Variants in AK3 observed in about 807,000 individuals in gnomAD.
AK3 encodes adenylate kinase 3.
AK3 carries 27 observed loss-of-function variants against 23.7 expected under a neutral mutation model. That is an observed-to-expected ratio of 1.14 (90% CI 0.84 to 1.57). The LOEUF (loss-of-function observed/expected upper bound fraction) is 1.57, where lower values mean the gene tolerates loss of function less well. Among genes scored for constraint, AK3 ranks in the 40% most tolerant of loss-of-function variants. The pLI, the probability that AK3 is intolerant of heterozygous loss-of-function variation, is 0.00. For missense variants in AK3, 406 were observed against 285.6 expected, an observed-to-expected ratio of 1.42 and a Z score of -3.04; for synonymous variants, 159 against 116.0, an observed-to-expected ratio of 1.37 and a Z score of -2.38.
Position 4,740,965 on chromosome 9 carries a change from C to G in AK3, c.123G>C (p.Leu41=). ...TGCCCCGCAGCATGTTGTCCCGGAG[C>G]AGGTCCCCGCTGGAGAGGTGCTTCA... ...FELKHLSSGD[L]LRDNMLRGTE... is the part of the protein sequence containing the mutation. The change falls in exon 1 of 5, where the codon CTG becomes CTC. Residue 41 remains leucine, a synonymous_variant. Transcript: ENST00000381809. 2.5e-6 allele frequency: 4 copies of G among 1,583,342 alleles called. No individual in the cohort carries two copies. The highest frequency in any genetic ancestry group is 3.4e-6 in the Non-Finnish European group (4 of 1,167,204).
At position 4,710,848 on chromosome 9, in the gene AK3, T is replaced by C. The variant is rs1841543265; in HGVS notation, c.*2128A>G. ...TTGCGTGAGCCCAGGAGTTCAACGT[T>C]ACAGTGACCCAATTATGCCACTGCA... On this transcript the variant is annotated 3_prime_UTR_variant, in exon 5 of 5. Coordinates refer to ENST00000381809, the MANE Select transcript of AK3 (RefSeq NM_016282.4). 6.6e-6 allele frequency: 1 copy of C among 152,048 alleles called. No individual in the cohort carries two copies. The highest frequency in any genetic ancestry group is 1.5e-5 in the Non-Finnish European group (1 of 68,020). 9.4% of individuals were successfully genotyped at this position (152,048 alleles called of 1,614,324 possible).
intron 1 of AK3, 66 bp downstream of exon 1, chr9:4,740,871 G>GT: frequency 7.1e-7 from 1 of 1,403,236 alleles, no homozygotes; most frequent in Non-Finnish European, 9.3e-7. Flanking sequence ...CCCAGCTTCG[G>GT]CCCCTCGCCC....
At chr9:4,713,941 CAT>C (rs376514706) in intron 4 of AK3, among the ~76,000 whole-genome samples, 31 of 1,348 alleles carry the variant, frequency 0.023, 3 homozygotes, top group African/African-American at 0.03. Context: ...CACACCTCCA[CAT>C]ATACACGCCT....
At chr9:4,741,859 C>G (rs745699544), upstream of AK3, 5 of 152,584 alleles carry the variant, frequency 3.3e-5, no homozygotes, top group Non-Finnish European at 7.3e-5. Flanking sequence ...TGCACCCACT[C>G]CCGCCTTCGC....
At chr9:4,733,755 C>T (rs923112585) in intron 1 of AK3, among the ~76,000 whole-genome samples, 2 of 152,190 alleles carry the variant, frequency 1.3e-5, no homozygotes, top group African/African-American at 4.8e-5. Context: ...CCTCCCTCAT[C>T]CTCCCCATTG....
At chr9:4,715,943 C>G (rs1171576984) in intron 4 of AK3, among the ~76,000 whole-genome samples, 2 of 152,118 alleles carry the variant, frequency 1.3e-5, no homozygotes, top group African/African-American at 4.8e-5. Flanking sequence ...TCGGTGCCGA[C>G]CCCAAGACTT....
At chr9:4,725,488 G>A (rs1433356083) in intron 1 of AK3, among the ~76,000 whole-genome samples, 1 of 151,940 alleles carries the variant, frequency 6.6e-6, no homozygotes, top group African/African-American at 2.4e-5. Flanking sequence ...AGAAAGTGAG[G>A]CCGGGTGCAG....
upstream of AK3, chr9:4,741,354 CAAG>C (rs1842431070): frequency 5.9e-6 from 2 of 338,570 alleles, no homozygotes; most frequent in South Asian, 1.2e-4. Context: ...GCAAGCCGCG[CAAG>C]CCGCGCCCCC....
rs915139992 is a variant in AK3 at position 4,710,714 on chromosome 9, C to G, written c.*2262G>C. The stretch of plus-strand genomic sequence containing the variant: ...AGGAAGACTGTTTGAGGCCAGGAGA[C>G]TAGCCTGGGCAACATATCGAGACGC... On this transcript the variant is annotated 3_prime_UTR_variant, in exon 5 of 5. Transcript: ENST00000381809. 6.6e-6 allele frequency: 1 copy of G among 151,946 alleles called. No homozygotes were observed. The highest frequency in any genetic ancestry group is 1.5e-5 in the Non-Finnish European group (1 of 68,000). 9.4% of individuals were successfully genotyped at this position (151,946 alleles called of 1,614,324 possible). A position where few individuals can be genotyped will look rare whatever the true frequency, so the allele number is the denominator to read the frequency against.
intron 1 of AK3, among the ~76,000 whole-genome samples, chr9:4,734,418 C>G (rs1004887008): frequency 4.6e-4 from 70 of 152,318 alleles, no homozygotes; most frequent in African/African-American, 1.7e-3. Context: ...CTGTGAGCAC[C>G]TAGTGAAATC....
In AK3 at chr9:4,718,464, A is replaced by G; in HGVS notation, c.518T>C (p.Leu173Pro). 6.2e-7 allele frequency: 1 copy of G among 1,613,474 alleles called. No homozygotes were observed. Among genetic ancestry groups the G allele is most frequent in the Non-Finnish European group, 8.5e-7 (1 of 1,179,802 alleles). Residue 173 changes from leucine (L) to proline (P), a missense_variant, in exon 4 of 5, where the codon CTA becomes CCA. By Grantham distance (98) the Leu-to-Pro change is moderately conservative. Transcript: ENST00000381809. Reference protein sequence around the residue: ...DDKPETVIKRLKAYEDQTKPV... With the variant: ...DDKPETVIKRPKAYEDQTKPV... ...CTTTGTTTGGTCTTCATAAGCCTTT[A>G]GTCTCTTGATAACCGTCTCTGGTTT...
At chr9:4,722,089 G>A (rs754442740) in intron 2 of AK3, among the ~76,000 whole-genome samples, 5 of 152,156 alleles carry the variant, frequency 3.3e-5, no homozygotes, top group African/African-American at 7.2e-5. Flanking sequence ...GAGAGCTGAG[G>A]ACTCAACTGA....
At chr9:4,732,827 G>T (rs1443624356) in intron 1 of AK3, among the ~76,000 whole-genome samples, 3 of 151,258 alleles carry the variant, frequency 2.0e-5, no homozygotes, top group African/African-American at 7.3e-5. Context: ...AAGCACAAAA[G>T]AGGGACCTGA....
At position 4,728,854 on chromosome 9, in the gene AK3, T is replaced by TACACACACAC. The variant is rs1408805790; in HGVS notation, c.152-6230_152-6229insGTGTGTGTGT. ...CTACATATATATATATATATATATATATATATATATATACACACACACACA... is the reference window on the plus strand; with the variant it reads ...CTACATATATATATATATATATATATACACACACACATATATATATATACACACACACACA... On this transcript the variant is annotated intron_variant, in intron 1 of 4. Coordinates refer to ENST00000381809, the MANE Select transcript of AK3 (RefSeq NM_016282.4). Among the ~76,000 whole-genome samples the TACACACACAC allele has an allele frequency of 5.1e-3, 243 of 47,364 alleles. 1 individual carries two copies. The highest frequency in any genetic ancestry group is 0.038 in the South Asian group (55 of 1,444). 31.1% of individuals were successfully genotyped at this position (47,364 alleles called of 152,430 possible).
intron 1 of AK3, among the ~76,000 whole-genome samples, chr9:4,725,841 A>T (rs1262127640): frequency 2.6e-5 from 4 of 152,198 alleles, no homozygotes; most frequent in Non-Finnish European, 4.4e-5. Context: ...ATCATTAGGG[A>T]AGTCAAATGA....
At chr9:4,728,313 G>T (rs1233693013) in intron 1 of AK3, among the ~76,000 whole-genome samples, 1 of 152,230 alleles carries the variant, frequency 6.6e-6, no homozygotes, top group African/African-American at 2.4e-5. Context: ...GCTCATGCCT[G>T]TAATCCCGGC....
At chr9:4,728,484 G>T (rs10124193) in intron 1 of AK3, among the ~76,000 whole-genome samples, 75,685 of 152,048 alleles carry the variant, frequency 0.5, 20,171 homozygotes, top group East Asian at 0.74. Context: ...GGCAGGAGAA[G>T]TGCTTGAACC....
intron 4 of AK3, among the ~76,000 whole-genome samples, chr9:4,713,536 C>CT (rs1841618696): frequency 1.3e-5 from 2 of 152,066 alleles, no homozygotes; most frequent in East Asian, 1.9e-4. Flanking sequence ...ACCCATCAGC[C>CT]TTTTTTTTCT....
At position 4,711,790 on chromosome 9, in the gene AK3, T is replaced by C. The variant is rs1158877762; in HGVS notation, c.*1186A>G. On this transcript the variant is annotated 3_prime_UTR_variant, in exon 5 of 5. Transcript: ENST00000381809. ...TAAATGGCTGCTCAGACGACACCAATAGAGTTCTTTCTCCTTAAAATATGG... is the reference window on the plus strand; with the variant it reads ...TAAATGGCTGCTCAGACGACACCAACAGAGTTCTTTCTCCTTAAAATATGG... 1.3e-5 allele frequency: 2 copies of C among 152,190 alleles called. No homozygotes were observed. Among genetic ancestry groups the C allele is most frequent in the African/African-American group, 4.8e-5 (2 of 41,448 alleles). The allele number at this position is 152,190 out of a possible 1,614,324, so 9.4% of individuals were successfully genotyped here.
Sources: gnomAD v4.1 joint callset for allele counts (sites outside exome capture counted in the v4.1 genomes callset) on GRCh38, gnomAD v4.1.1 for gene constraint, MANE v1.5 for transcripts, NCBI Gene and HGNC (gene_info 2026-07-23, HGNC 2026-07-21) for gene names.